Variants in PLAGL1 observed in about 807,000 individuals in gnomAD.
PLAGL1 encodes the protein zinc finger protein PLAGL1.
Under a neutral mutation model 4.6 loss-of-function variants are expected in PLAGL1, and 1 was observed. The ratio of observed to expected loss-of-function variants is 0.22; its 90% CI spans 0.08 to 1.03. The LOEUF is 1.03. Among genes scored for constraint, PLAGL1 ranks in the 50% least tolerant of loss-of-function variants. The probability of loss-of-function intolerance (pLI) is 0.58; values close to 1 mark genes in which losing one functional copy is unlikely to be tolerated. For missense variants in PLAGL1, 464 were observed against 570.4 expected, an observed-to-expected ratio of 0.81 and a Z score of 1.90; for synonymous variants, 240 against 237.8, an observed-to-expected ratio of 1.01 and a Z score of -0.08.
rs1165478533 is a variant in PLAGL1, at chr6:143,947,949, C to T, written c.152+36G>A. 3 of 1,589,642 alleles carry T rather than the reference C, an allele frequency of 1.9e-6. No homozygotes were observed. The highest frequency in any genetic ancestry group is 2.6e-6 in the Non-Finnish European group (3 of 1,159,304). Reference sequence around the variant, plus strand: ...GGGCTAGAAAAGCCATTTAAACGTACTTCTAAAAGTGCATACCTTTGCCAA... The same window carrying T: ...GGGCTAGAAAAGCCATTTAAACGTATTTCTAAAAGTGCATACCTTTGCCAA... On this transcript the variant is annotated intron_variant, in intron 7 of 7. Transcript: ENST00000674357. The surrounding 1 kb of genome is among the most constrained non-coding windows in gnomAD (Gnocchi z 4.3).
At chr6:144,002,187 A>G (rs1048259789) in intron 1 of PLAGL1, among the ~76,000 whole-genome samples, 1 of 152,178 alleles carries the variant, frequency 6.6e-6, no homozygotes, top group African/African-American at 2.4e-5. Context: ...GTAAATTTAA[A>G]ATTATTTCAG....
chr6:143,958,807 A>T lies in PLAGL1; in HGVS notation c.-325+1662T>A, dbSNP rs748616168. ...GACAAGGCAAGTTTTCCAAGCGACA[A>T]CACTGGCTTTTCTGAAAGGGGAAAG... On this transcript the variant is annotated intron_variant, in intron 6 of 7. Transcript: ENST00000674357. This position sits in a 1 kb window ranked among gnomAD's most constrained non-coding sequence, Gnocchi z 5.1. Among the ~76,000 whole-genome samples the T allele has an allele frequency of 3.1e-4, 47 of 152,236 alleles. No individual in the cohort carries two copies. The highest frequency in any genetic ancestry group is 5.3e-4 in the Non-Finnish European group (36 of 68,034).
rs1213535374 is a variant in PLAGL1 at position 144,055,400 on chromosome 6, T to A, written c.-151+9068A>T. On this transcript the variant is annotated intron_variant, in intron 1 of 3. Coordinates refer to the PLAGL1 transcript ENST00000437412. The surrounding 1 kb of genome is among the most constrained non-coding windows in gnomAD (Gnocchi z 5.0). ...AAAACCACACTGGCATTCTTTAACA[T>A]GATGAATTTTATTATACAGATGAGG... Among the ~76,000 whole-genome samples, 1 of 152,188 alleles carries A rather than the reference T, an allele frequency of 6.6e-6. No homozygotes were observed. Among genetic ancestry groups the A allele is most frequent in the Non-Finnish European group, 1.5e-5 (1 of 68,026 alleles).
chr6:144,029,570 A>G (rs1185354046), intron 1 of PLAGL1, among the ~76,000 whole-genome samples: 1 of 152,266 alleles, frequency 6.6e-6, no homozygotes, highest in Non-Finnish European at 1.5e-5. Context: ...TCATAAGAGA[A>G]ATGCAAATTA....
At chr6:144,017,437 T>C (rs1186821350) in intron 1 of PLAGL1, among the ~76,000 whole-genome samples, 1 of 152,220 alleles carries the variant, frequency 6.6e-6, no homozygotes, top group African/African-American at 2.4e-5. Flanking sequence ...CAAAACTGAC[T>C]AATGTCCATT....
Position 144,050,806 on chromosome 6 carries a change from A to T in PLAGL1, c.-151+13662T>A, listed in dbSNP as rs1381384360. On this transcript the variant is annotated intron_variant, in intron 1 of 3. Transcript: ENST00000437412. The surrounding 1 kb of genome is among the most constrained non-coding windows in gnomAD (Gnocchi z 4.3). ...CAGCTACTCAAGAGGCTGAGGTGGCAGGATCACTTGAGTCTGTGAGTTTCA... is the reference window on the plus strand; with the variant it reads ...CAGCTACTCAAGAGGCTGAGGTGGCTGGATCACTTGAGTCTGTGAGTTTCA... 6.6e-6 allele frequency among the ~76,000 whole-genome samples: 1 copy of T among 152,198 alleles called. No individual in the cohort carries two copies. Among genetic ancestry groups the T allele is most frequent in the Non-Finnish European group, 1.5e-5 (1 of 68,040 alleles).
intron 1 of PLAGL1, among the ~76,000 whole-genome samples, chr6:144,018,591 G>A (rs567193285): frequency 5.9e-5 from 9 of 152,156 alleles, no homozygotes; most frequent in African/African-American, 1.4e-4. Context: ...TAGCCATTTG[G>A]CAAGGCATAC....
intron 1 of PLAGL1, among the ~76,000 whole-genome samples, chr6:144,051,132 C>G (rs1014438181): frequency 6.6e-6 from 1 of 152,162 alleles, no homozygotes; most frequent in East Asian, 1.9e-4. Context: ...CAGATAATGT[C>G]TAGGAAATCA....
At position 143,953,884 on chromosome 6, in the gene PLAGL1, G is replaced by T. The variant is rs147826844; in HGVS notation, c.-324-5424C>A. On this transcript the variant is annotated intron_variant, in intron 6 of 7. Transcript: ENST00000674357. The surrounding 1 kb of genome is among the most constrained non-coding windows in gnomAD (Gnocchi z 5.3). ...ATGGAAACAGGTATGAAAGCAGCAGGTGAAAGTCTGTTAGTGAAGCACTGA... is the reference window on the plus strand; with the variant it reads ...ATGGAAACAGGTATGAAAGCAGCAGTTGAAAGTCTGTTAGTGAAGCACTGA... 1.3e-5 allele frequency among the ~76,000 whole-genome samples: 2 copies of T among 152,332 alleles called. No individual in the cohort carries two copies. The highest frequency in any genetic ancestry group is 3.9e-4 in the East Asian group (2 of 5,186).
chr6:143,943,822 G>T (rs1419321406), intron 7 of PLAGL1, among the ~76,000 whole-genome samples: 1 of 152,296 alleles, frequency 6.6e-6, no homozygotes, highest in African/African-American at 2.4e-5. Context: ...TTGTGAAGCA[G>T]AAATTAGTTA....
intron 1 of PLAGL1, among the ~76,000 whole-genome samples, chr6:144,030,736 C>T (rs1338041154): frequency 1.3e-5 from 2 of 152,164 alleles, no homozygotes; most frequent in Non-Finnish European, 2.9e-5. Context: ...TTGCTTTATC[C>T]ACTTGTTGAC....
chr6:143,945,200 C>G lies in PLAGL1; in HGVS notation c.153-2537G>C, dbSNP rs1779499652. On this transcript the variant is annotated intron_variant, in intron 7 of 7. Transcript: ENST00000674357. This position sits in a 1 kb window ranked among gnomAD's most constrained non-coding sequence, Gnocchi z 4.2. The stretch of plus-strand genomic sequence containing the variant: ...AATTACTTCAACGACTTGTTTCTTT[C>G]CCTCAGTTTTTCATCTTACCTTATA... Among the ~76,000 whole-genome samples the G allele has an allele frequency of 6.6e-6, 1 of 152,152 alleles. No individual in the cohort carries two copies. Among genetic ancestry groups the G allele is most frequent in the South Asian group, 2.1e-4 (1 of 4,830 alleles).
chr6:143,991,545 T>G (rs1790477808), intron 1 of PLAGL1, among the ~76,000 whole-genome samples: 1 of 152,204 alleles, frequency 6.6e-6, no homozygotes. Context: ...TATTCAGACA[T>G]TGCACTCGCT....
rs1198264220 is a variant in PLAGL1, at chr6:143,948,236, C to G, written c.-100G>C. 1 of 1,122,148 alleles carries G rather than the reference C, an allele frequency of 8.9e-7. No homozygotes were observed. Among genetic ancestry groups the G allele is most frequent in the Non-Finnish European group, 1.3e-6 (1 of 764,772 alleles). The allele number at this position is 1,122,148 out of a possible 1,614,324, so 69.5% of individuals were successfully genotyped here. On this transcript the variant is annotated 5_prime_UTR_variant, in exon 7 of 8. Transcript: ENST00000674357. The surrounding 1 kb of genome is among the most constrained non-coding windows in gnomAD (Gnocchi z 6.0). ...TGGTGCTGGGCACATCAGCAGAGTC[C>G]CTGCAGCTGAACTCCAGACCACGGG...
Position 143,984,605 on chromosome 6 carries a change from C to G in PLAGL1, c.-544+530G>C, listed in dbSNP as rs528465923. ...AAGATTCAAGATACAGACTTAGAAT[C>G]TGTCAGAGAATGCAAATCCTTGTTA... is the stretch of plus-strand genomic sequence containing the variant. On this transcript the variant is annotated intron_variant, in intron 2 of 7. Coordinates refer to ENST00000674357, the MANE Select transcript of PLAGL1 (RefSeq NM_001317162.2). This position sits in a 1 kb window ranked among gnomAD's most constrained non-coding sequence, Gnocchi z 5.5. 2.6e-5 allele frequency among the ~76,000 whole-genome samples: 4 copies of G among 152,190 alleles called. No individual in the cohort carries two copies. Among genetic ancestry groups the G allele is most frequent in the African/African-American group, 9.6e-5 (4 of 41,530 alleles).
rs943150321 is a variant in PLAGL1, at chr6:144,006,879, G to A, written c.-584+1211C>T. ...TTTGTGTATGTATGAAACTGAGGAG[G>A]GGGAGAGAGATTCATAAAGCGAACA... On this transcript the variant is annotated intron_variant, in intron 1 of 7. Coordinates refer to ENST00000674357, the MANE Select transcript of PLAGL1 (RefSeq NM_001317162.2). The surrounding 1 kb of genome is among the most constrained non-coding windows in gnomAD (Gnocchi z 4.3). The A allele has an allele frequency of 2.0e-5, 3 of 152,108 alleles. No individual in the cohort carries two copies. Among genetic ancestry groups the A allele is most frequent in the Admixed American group, 6.5e-5 (1 of 15,276 alleles). 9.4% of individuals were successfully genotyped at this position (152,108 alleles called of 1,614,324 possible). A position where few individuals can be genotyped will look rare whatever the true frequency, so the allele number is the denominator to read the frequency against.
rs138008582 is a variant in PLAGL1 at position 143,945,577 on chromosome 6, G to A, written c.152+2408C>T. Among the ~76,000 whole-genome samples, 299 of 152,278 alleles carry A rather than the reference G, an allele frequency of 2.0e-3. 5 individuals carry two copies. The highest frequency in any genetic ancestry group is 0.014 in the East Asian group (71 of 5,186). ...TGCAACCTCTGCCTCCCGGGTTCAA[G>A]TGATCCTCCTACCTCAGCCTCCCGA... On this transcript the variant is annotated intron_variant, in intron 7 of 7. Coordinates refer to ENST00000674357, the MANE Select transcript of PLAGL1 (RefSeq NM_001317162.2). This position sits in a 1 kb window ranked among gnomAD's most constrained non-coding sequence, Gnocchi z 4.2.
At chr6:144,025,374 A>C (rs1203320119) in intron 1 of PLAGL1, among the ~76,000 whole-genome samples, 1 of 152,172 alleles carries the variant, frequency 6.6e-6, no homozygotes, top group African/African-American at 2.4e-5. Flanking sequence ...GGAATAGAAA[A>C]AGGACTTAGG....
intron 1 of PLAGL1, among the ~76,000 whole-genome samples, chr6:144,043,684 G>A (rs951314668): frequency 6.6e-6 from 1 of 151,976 alleles, no homozygotes; most frequent in African/African-American, 2.4e-5. Flanking sequence ...GGATGATGCT[G>A]GCCTCATAAA....
Sources: gnomAD v4.1 joint callset for allele counts (sites outside exome capture counted in the v4.1 genomes callset) on GRCh38, gnomAD v4.1.1 for gene constraint, Gnocchi (gnomAD v3.1) non-coding constraint, MANE v1.5 for transcripts, NCBI Gene and HGNC (gene_info 2026-07-23, HGNC 2026-07-21) for gene names.